Variants in KLHL32 observed in about 807,000 individuals in gnomAD.
KLHL32 encodes kelch like family member 32.
KLHL32 carries 35 observed loss-of-function variants against 64.8 expected under a neutral mutation model. The ratio of observed to expected loss-of-function variants is 0.54; its 90% CI spans 0.41 to 0.72. The LOEUF is 0.72. Among genes scored for constraint, KLHL32 ranks in the 30% least tolerant of loss-of-function variants. The probability of loss-of-function intolerance (pLI) is 0.00; values close to 1 mark genes in which losing one functional copy is unlikely to be tolerated. For missense variants in KLHL32, 589 were observed against 768.5 expected, an observed-to-expected ratio of 0.77 and a Z score of 2.76; for synonymous variants, 259 against 281.0, an observed-to-expected ratio of 0.92 and a Z score of 0.78.
At chr6:96,985,691 C>T (rs1290946225) in intron 3 of KLHL32, among the ~76,000 whole-genome samples, 1 of 152,170 alleles carries the variant, frequency 6.6e-6, no homozygotes, top group African/African-American at 2.4e-5. Context: ...GCATTTGTCA[C>T]GTAGTTCTCG....
chr6:97,082,859 T>C (rs898823994), intron 5 of KLHL32, among the ~76,000 whole-genome samples: 1 of 152,194 alleles, frequency 6.6e-6, no homozygotes, highest in Non-Finnish European at 1.5e-5. Flanking sequence ...CCTGAGTTAA[T>C]GGTGTGCCTT....
chr6:97,019,884 A>G (rs2128103387), intron 3 of KLHL32, among the ~76,000 whole-genome samples: 1 of 151,334 alleles, frequency 6.6e-6, no homozygotes, highest in African/African-American at 2.4e-5. Context: ...GGTTCAAGCC[A>G]TTCTCCTACC....
intron 10 of KLHL32, among the ~76,000 whole-genome samples, chr6:97,137,474 A>C (rs1373446844): frequency 6.6e-6 from 1 of 152,170 alleles, no homozygotes; most frequent in Non-Finnish European, 1.5e-5. Flanking sequence ...CTCCTTTGTG[A>C]AACATGGATC....
intron 3 of KLHL32, among the ~76,000 whole-genome samples, chr6:97,026,532 G>C (rs6929152): frequency 6.6e-6 from 1 of 152,114 alleles, no homozygotes; most frequent in Non-Finnish European, 1.5e-5. Context: ...CCCTGTCTGT[G>C]TGCATGCCTA....
At position 97,032,938 on chromosome 6, in the gene KLHL32, T is replaced by C. The variant is rs1783773171; in HGVS notation, c.205-8554T>C. ...AAGGCAATTTCCTGTTAGCTTTTTT[T>C]TTTTTTTATCTATAGCCACACTTGA... On this transcript the variant is annotated intron_variant, in intron 3 of 10. Transcript: ENST00000369261. Among the ~76,000 whole-genome samples the C allele has an allele frequency of 2.6e-5, 4 of 152,174 alleles. No individual in the cohort carries two copies. In the South Asian group the frequency reaches 8.3e-4, roughly 32 times the overall value.
chr6:97,012,780 T>A (rs745430411), intron 3 of KLHL32, among the ~76,000 whole-genome samples: 1 of 152,184 alleles, frequency 6.6e-6, no homozygotes, highest in Non-Finnish European at 1.5e-5. Context: ...AAACTATATA[T>A]GAGGGTTCTC....
intron 1 of KLHL32, among the ~76,000 whole-genome samples, chr6:96,964,878 G>A (rs1298363696): frequency 6.6e-6 from 1 of 151,962 alleles, no homozygotes; most frequent in East Asian, 1.9e-4. Flanking sequence ...CTTTTATTTT[G>A]GATTTAGCAT....
chr6:96,946,136 G>C (rs1771888882), intron 1 of KLHL32, among the ~76,000 whole-genome samples: 1 of 152,008 alleles, frequency 6.6e-6, no homozygotes, highest in Non-Finnish European at 1.5e-5. Flanking sequence ...AACAGGATTA[G>C]TAAGCTTTTA....
chr6:97,085,026 T>C (rs2128178934), intron 5 of KLHL32, 100 bp from the exon 6 acceptor site: 1 of 944,430 alleles, frequency 1.1e-6, no homozygotes. Context: ...CTCCCACCAC[T>C]GTGATGAAAA....
At chr6:96,962,875 T>C (rs1228181929) in intron 1 of KLHL32, among the ~76,000 whole-genome samples, 1 of 152,250 alleles carries the variant, frequency 6.6e-6, no homozygotes, top group African/African-American at 2.4e-5. Context: ...AATGTGTGTT[T>C]TATTTTTGTT....
At chr6:97,032,620 G>C (rs1025407656) in intron 3 of KLHL32, among the ~76,000 whole-genome samples, 1 of 152,102 alleles carries the variant, frequency 6.6e-6, no homozygotes, top group Admixed American at 6.6e-5. Context: ...GAGTCCTGCT[G>C]TATATACGGG....
intron 10 of KLHL32, among the ~76,000 whole-genome samples, chr6:97,133,225 GC>G (rs1448702303): frequency 6.6e-6 from 1 of 152,212 alleles, no homozygotes; most frequent in Admixed American, 6.5e-5. Flanking sequence ...GATAGGGACA[GC>G]CTCTGTCCCA....
At chr6:96,908,048 G>A in the KLHL32 span, among the ~76,000 whole-genome samples, 24 of 152,190 alleles carry the variant, frequency 1.6e-4, no homozygotes, top group Admixed American at 1.4e-3. Flanking sequence ...TGAGGCAGAA[G>A]CGTGCTTGAC....
intron 6 of KLHL32, among the ~76,000 whole-genome samples, chr6:97,090,883 G>A (rs1190335649): frequency 6.6e-6 from 1 of 152,220 alleles, no homozygotes; most frequent in African/African-American, 2.4e-5. Flanking sequence ...CAGGCGATGG[G>A]CACAGAGGTG....
intron 5 of KLHL32, among the ~76,000 whole-genome samples, chr6:97,078,808 C>G (rs962743175): frequency 1.3e-5 from 2 of 152,194 alleles, no homozygotes; most frequent in African/African-American, 4.8e-5. Context: ...ACTCCATTAT[C>G]TACCCCACAA....
At chr6:97,029,365 A>C (rs1783183379) in intron 3 of KLHL32, among the ~76,000 whole-genome samples, 1 of 152,216 alleles carries the variant, frequency 6.6e-6, no homozygotes, top group Non-Finnish European at 1.5e-5. Context: ...TAGAAAAAAA[A>C]CAATATGTAA....
chr6:97,081,949 C>T (rs764446170), intron 5 of KLHL32, among the ~76,000 whole-genome samples: 1 of 152,098 alleles, frequency 6.6e-6, no homozygotes, highest in African/African-American at 2.4e-5. Flanking sequence ...ATGTGAAGAT[C>T]GCAGTGCCCC....
chr6:97,101,681 A>G (rs1385293173), intron 6 of KLHL32, among the ~76,000 whole-genome samples: 2 of 152,204 alleles, frequency 1.3e-5, no homozygotes, highest in Non-Finnish European at 2.9e-5. Context: ...ACAGAACTTA[A>G]ATTACTGGAT....
rs969182646 is a variant in KLHL32, at chr6:96,932,572, C to T, written c.-66+7546C>T. On this transcript the variant is annotated intron_variant, in intron 1 of 10. Transcript: ENST00000369261. ...TCACAAAGTTGTCAATTTCCCCCCCCCCCTTTTTTTTTTTGAGACAGATTC... is the reference window on the plus strand; with the variant it reads ...TCACAAAGTTGTCAATTTCCCCCCCTCCCTTTTTTTTTTTGAGACAGATTC... Among the ~76,000 whole-genome samples, 11 of 136,578 alleles carry T rather than the reference C, an allele frequency of 8.1e-5. 1 individual carries two copies. Among genetic ancestry groups the T allele is most frequent in the Admixed American group, 1.4e-4 (2 of 13,814 alleles). 89.6% of individuals were successfully genotyped at this position (136,578 alleles called of 152,430 possible).
Sources: gnomAD v4.1 joint callset for allele counts (sites outside exome capture counted in the v4.1 genomes callset) on GRCh38, gnomAD v4.1.1 for gene constraint, MANE v1.5 for transcripts, NCBI Gene and HGNC (gene_info 2026-07-23, HGNC 2026-07-21) for gene names.